The following GAD1 variants were observed in gnomAD, a reference collection of about 807,000 sequenced individuals.
GAD1 encodes glutamate decarboxylase 1, also known as 67 kDa glutamic acid decarboxylase.
Under a neutral mutation model 75.2 loss-of-function variants are expected in GAD1, and 35 were observed. That is an observed-to-expected ratio of 0.47 (90% CI 0.36 to 0.62). The LOEUF (loss-of-function observed/expected upper bound fraction) is 0.62, where lower values mean the gene tolerates loss of function less well. Among genes scored for constraint, GAD1 ranks in the 20% least tolerant of loss-of-function variants. The pLI is 0.00. For missense variants in GAD1, 490 were observed against 758.5 expected, an observed-to-expected ratio of 0.65 and a Z score of 4.16; for synonymous variants, 257 against 271.9, an observed-to-expected ratio of 0.95 and a Z score of 0.54.
At chr2:170,851,687 C>A (rs1305235028) in intron 12 of GAD1, among the ~76,000 whole-genome samples, 2 of 152,126 alleles carry the variant, frequency 1.3e-5, no homozygotes, top group African/African-American at 2.4e-5. Context: ...ATAGGCCAGG[C>A]CTTTGGGAAG....
chr2:170,845,837 C>CT, intron 9 of GAD1, 52 bp downstream of exon 9: 1 of 1,569,376 alleles, frequency 6.4e-7, no homozygotes, highest in Non-Finnish European at 8.8e-7. Context: ...ATGTGTTCAT[C>CT]TGTTAAATTT....
At position 170,829,649 on chromosome 2, in the gene GAD1, C is replaced by A. The variant is rs1156572025; in HGVS notation, c.304+16C>A. 1 of 1,611,626 alleles carries A rather than the reference C, an allele frequency of 6.2e-7. No individual in the cohort carries two copies. The highest frequency in any genetic ancestry group is 1.1e-5 in the South Asian group (1 of 91,040). On this transcript the variant is annotated intron_variant, in intron 4 of 16. Coordinates refer to ENST00000358196, the MANE Select transcript of GAD1 (RefSeq NM_000817.3). ...TTTGCTAGAGGTAGCCCCTGCCCCA[C>A]TCCCGCCCCATGCTAGCCAGTAGAT...
chr2:170,848,870 A>G, intron 11 of GAD1: 1 of 497,834 alleles, frequency 2.0e-6, no homozygotes. Flanking sequence ...CTGCTTTTTG[A>G]GTTTTTCAGG....
intron 3 of GAD1, among the ~76,000 whole-genome samples, chr2:170,825,634 C>G (rs1387174891): frequency 2.0e-5 from 3 of 152,236 alleles, no homozygotes; most frequent in Non-Finnish European, 4.4e-5. Context: ...CACTCTCTCA[C>G]TGGGCCCCAT....
intron 5 of GAD1, among the ~76,000 whole-genome samples, chr2:170,832,622 C>T (rs1455755923): frequency 1.3e-5 from 2 of 152,060 alleles, no homozygotes; most frequent in African/African-American, 4.8e-5. Flanking sequence ...GACACATGCA[C>T]ACACAGGCCA....
intron 3 of GAD1, among the ~76,000 whole-genome samples, chr2:170,826,516 C>T (rs1310805901): frequency 2.7e-5 from 4 of 146,064 alleles, no homozygotes; most frequent in Non-Finnish European, 5.9e-5. Context: ...TGTGGTGAGC[C>T]GAGATCATGC....
At position 170,842,808 on chromosome 2, in the gene GAD1, T is replaced by G. The variant is rs140414990; in HGVS notation, c.639-1237T>G. 139 of 1,279,706 alleles carry G rather than the reference T, an allele frequency of 1.1e-4. 1 individual carries two copies. The Middle Eastern group carries it at 2.5e-3, about 23-fold the overall frequency. 79.3% of individuals were successfully genotyped at this position (1,279,706 alleles called of 1,614,324 possible). A position where few individuals can be genotyped will look rare whatever the true frequency, so the allele number is the denominator to read the frequency against. ...TTGTCTTCTTTTACCTCCATGTGAT[T>G]AATTTGACTGCTTTTTTCATCCACA... On this transcript the variant is annotated intron_variant, in intron 6 of 16. Coordinates refer to ENST00000358196, the MANE Select transcript of GAD1 (RefSeq NM_000817.3).
chr2:170,822,257 A>AT, intron 3 of GAD1, 108 bp downstream of exon 3: 9 of 940,436 alleles, frequency 9.6e-6, no homozygotes, highest in Non-Finnish European at 1.3e-5. Flanking sequence ...CATGGGTCTG[A>AT]TTTTCTAATG....
At chr2:170,823,101 T>C (rs1005069614) in intron 3 of GAD1, among the ~76,000 whole-genome samples, 7 of 152,170 alleles carry the variant, frequency 4.6e-5, no homozygotes, top group Non-Finnish European at 1.0e-4. Context: ...TCTCTAGCCT[T>C]ATCGGGCCAG....
intron 11 of GAD1, 61 bp downstream of exon 11, chr2:170,847,853 C>T: frequency 1.8e-6 from 2 of 1,121,270 alleles, no homozygotes. Context: ...TTTTTTATGA[C>T]TTGCCTCAAG....
At chr2:170,828,060 TTCTGCTGTCCTCCC>T (rs1702067024) in intron 3 of GAD1, among the ~76,000 whole-genome samples, 1 of 29,734 alleles carries the variant, frequency 3.4e-5, no homozygotes, top group African/African-American at 2.1e-4. Flanking sequence ...CCCCTCCTCC[TTCTGCTGTCCTCCC>T]TCTGCTGTCC....
At chr2:170,821,964 T>C (rs1701892756) in intron 2 of GAD1, 123 bp from the exon 3 acceptor site, 3 of 837,342 alleles carry the variant, frequency 3.6e-6, no homozygotes, top group Admixed American at 4.0e-5. Context: ...TTTCAGGAAG[T>C]AGCTTTTAAT....
chr2:170,820,724 A>G (rs1246679395), intron 2 of GAD1, among the ~76,000 whole-genome samples: 2 of 151,402 alleles, frequency 1.3e-5, no homozygotes, highest in South Asian at 4.2e-4. Flanking sequence ...TTTCATTGCA[A>G]CCCCCAATTT....
chr2:170,817,231 C>CT (rs552243405), intron 1 of GAD1, 183 bp downstream of exon 1: 1 of 111,898 alleles, frequency 8.9e-6, no homozygotes, highest in Non-Finnish European at 2.2e-5. Flanking sequence ...AGGGACCCCC[C>CT]CCCCCCCGCC....
intron 16 of GAD1, among the ~76,000 whole-genome samples, chr2:170,859,180 G>T (rs1702912177): frequency 6.6e-6 from 1 of 152,146 alleles, no homozygotes; most frequent in East Asian, 1.9e-4. Flanking sequence ...GGAATAATGT[G>T]CATATTCCTA....
At chr2:170,815,008 G>T (rs1388111964), upstream of GAD1, among the ~76,000 whole-genome samples, 1 of 152,196 alleles carries the variant, frequency 6.6e-6, no homozygotes, top group Non-Finnish European at 1.5e-5. Flanking sequence ...GGCACCGGGA[G>T]ATGTGTTGCC....
rs954961960 is a variant in GAD1 at position 170,822,081 on chromosome 2, T to C, written c.83-6T>C. 6.2e-7 allele frequency: 1 copy of C among 1,607,144 alleles called. No individual in the cohort carries two copies. Among genetic ancestry groups the C allele is most frequent in the Non-Finnish European group, 8.5e-7 (1 of 1,177,188 alleles). ...ACCGAACCTCTCTCCCTCTCTCTCG[T>C]CCTAGCGTACGATACCTGGTGCGGC... is the stretch of plus-strand genomic sequence containing the variant. On this transcript the variant is annotated splice_polypyrimidine_tract_variant and splice_region_variant and intron_variant, in intron 2 of 16. Transcript: ENST00000358196.
chr2:170,843,888 C>T (rs1702576224), intron 6 of GAD1, 157 bp from the exon 7 acceptor site: 8 of 632,998 alleles, frequency 1.3e-5, no homozygotes, highest in East Asian at 2.8e-5. Flanking sequence ...TTATGATCGG[C>T]GACTTAATGC....
chr2:170,841,494 A>G (rs894034785), intron 6 of GAD1, among the ~76,000 whole-genome samples: 7 of 152,172 alleles, frequency 4.6e-5, no homozygotes, highest in Non-Finnish European at 8.8e-5. Context: ...GAGGCCAAGA[A>G]TTGAAGACCA....
Sources: allele counts gnomAD v4.1 joint callset (sites outside exome capture counted in the v4.1 genomes callset), GRCh38; gene constraint gnomAD v4.1.1; transcripts MANE v1.5; gene names NCBI Gene and HGNC (gene_info 2026-07-23, HGNC 2026-07-21).